Variants in CBLB observed in about 807,000 individuals in gnomAD.
The protein encoded by CBLB is Cbl proto-oncogene B, also known as E3 ubiquitin-protein ligase CBL-B.
A neutral mutation model predicts 104.9 loss-of-function variants in CBLB; 31 were observed. The ratio of observed to expected loss-of-function variants is 0.30; its 90% CI spans 0.22 to 0.40. The LOEUF (loss-of-function observed/expected upper bound fraction) is 0.40. Among genes scored for constraint, CBLB ranks in the 10% least tolerant of loss-of-function variants. CBLB has a pLI of 1.00. For synonymous variants in CBLB, 440 were observed against 422.6 expected (o/e 1.04, Z -0.51); for missense variants, 1,062 against 1,214.6 (o/e 0.87, Z 1.87).
chr3:105,856,842 G>A lies in CBLB; in HGVS notation c.169-3178C>T, dbSNP rs934562409. Among the ~76,000 whole-genome samples, 8 of 152,142 alleles carry A rather than the reference G, an allele frequency of 5.3e-5. 1 individual carries two copies. Among genetic ancestry groups the A allele is most frequent in the Admixed American group, 2.6e-4 (4 of 15,282 alleles). ...TTACCCCCTTTTTAATACGTGATAC[G>A]TTAGTATAATCAGAGTTCATTCTGC... On this transcript the variant is annotated intron_variant, in intron 2 of 18. Coordinates refer to ENST00000394030, the MANE Select transcript of CBLB (RefSeq NM_170662.5).
chr3:105,845,506 G>A (rs1039905182), intron 3 of CBLB, among the ~76,000 whole-genome samples: 15 of 150,632 alleles, frequency 1.0e-4, no homozygotes, highest in African/African-American at 2.7e-4. Flanking sequence ...GAATAATTTC[G>A]TTTTCTTTTG....
chr3:105,760,963 TC>T (rs1438438952), intron 4 of CBLB, among the ~76,000 whole-genome samples: 1 of 152,174 alleles, frequency 6.6e-6, no homozygotes, highest in Non-Finnish European at 1.5e-5. Flanking sequence ...AATAGAAAGA[TC>T]AATCATTAGC....
At chr3:105,840,120 G>A (rs1175111319) in intron 3 of CBLB, among the ~76,000 whole-genome samples, 3 of 152,114 alleles carry the variant, frequency 2.0e-5, no homozygotes, top group South Asian at 2.1e-4. Flanking sequence ...AACAAAACGC[G>A]AAGGGTTTTC....
At chr3:105,688,608 C>A (rs1467685427) in intron 13 of CBLB, among the ~76,000 whole-genome samples, 1 of 151,968 alleles carries the variant, frequency 6.6e-6, no homozygotes, top group Non-Finnish European at 1.5e-5. Context: ...TTAGAGCTTG[C>A]CCTATACATT....
At chr3:105,843,364 A>T (rs1224975806) in intron 3 of CBLB, among the ~76,000 whole-genome samples, 1 of 152,234 alleles carries the variant, frequency 6.6e-6, no homozygotes, top group Non-Finnish European at 1.5e-5. Context: ...CATGGAAAAC[A>T]CTTCCCAATT....
chr3:105,706,926 T>C (rs964737341), intron 10 of CBLB, among the ~76,000 whole-genome samples: 3 of 152,202 alleles, frequency 2.0e-5, no homozygotes, highest in African/African-American at 7.2e-5. Flanking sequence ...ATTTTCCTAC[T>C]TCTCTCATTA....
intron 3 of CBLB, among the ~76,000 whole-genome samples, chr3:105,780,432 A>T (rs1335122398): frequency 6.6e-6 from 1 of 152,094 alleles, no homozygotes; most frequent in Non-Finnish European, 1.5e-5. Flanking sequence ...AACAATCCCC[A>T]AACAACTAAC....
rs775494959 is a variant in CBLB, at chr3:105,776,403, C to T, written c.559G>A (p.Gly187Arg). 6.2e-7 allele frequency: 1 copy of T among 1,613,378 alleles called. No individual in the cohort carries two copies. The highest frequency in any genetic ancestry group is 1.1e-5 in the South Asian group (1 of 91,054). ...AAAATGATTTTTACTTACTTGTCTC[C>T]AAAAAACTTTCTCCAGAATTCAGCA... ...DAAEFWRKFF[G>R]DKTIVPWKVF... Residue 187 changes from glycine to arginine, a missense_variant, in exon 4 of 19, where the codon GGA (glycine) becomes AGA (arginine). Gly to Arg is a moderately radical substitution (Grantham distance 125, BLOSUM62 -2). Around this residue, in one of 2 missense-constraint regions of CBLB, gnomAD observed 457 missense variants for 632.0 expected, o/e 0.72. Transcript: ENST00000394030.
intron 6 of CBLB, among the ~76,000 whole-genome samples, chr3:105,743,476 T>A (rs2075809385): frequency 6.7e-6 from 1 of 149,260 alleles, no homozygotes; most frequent in African/African-American, 2.5e-5. Flanking sequence ...AAAAAAAAAT[T>A]AAAAAAAAAT....
intron 7 of CBLB, among the ~76,000 whole-genome samples, chr3:105,740,245 A>C (rs928332056): frequency 4.6e-5 from 7 of 152,254 alleles, no homozygotes; most frequent in Non-Finnish European, 1.0e-4. Flanking sequence ...CCAAGTTTTT[A>C]TCATATGAAA....
At chr3:105,785,824 TAAAAAC>T (rs750678741) in intron 3 of CBLB, among the ~76,000 whole-genome samples, 81 of 152,242 alleles carry the variant, frequency 5.3e-4, no homozygotes, top group Non-Finnish European at 8.8e-4. Context: ...AATATAAAGA[TAAAAAC>T]AAACACAAAT....
At chr3:105,747,818 GA>G (rs3836271) in intron 5 of CBLB, among the ~76,000 whole-genome samples, 2 of 151,560 alleles carry the variant, frequency 1.3e-5, no homozygotes, top group East Asian at 1.9e-4. Flanking sequence ...AAGAGTGTTT[GA>G]AAAAAAATGC....
chr3:105,833,071 G>A (rs1444798105), intron 3 of CBLB, among the ~76,000 whole-genome samples: 3 of 152,202 alleles, frequency 2.0e-5, no homozygotes, highest in Non-Finnish European at 4.4e-5. Flanking sequence ...AATGATGTGA[G>A]TGGATAAAGA....
intron 3 of CBLB, among the ~76,000 whole-genome samples, chr3:105,801,183 T>C (rs897961286): frequency 6.6e-6 from 1 of 152,080 alleles, no homozygotes; most frequent in Non-Finnish European, 1.5e-5. Flanking sequence ...AAAAATAACC[T>C]TTAACGCACT....
chr3:105,705,793 C>T (rs1260677998), intron 10 of CBLB, among the ~76,000 whole-genome samples: 1 of 152,126 alleles, frequency 6.6e-6, no homozygotes, highest in Non-Finnish European at 1.5e-5. Flanking sequence ...CTGCACAGCC[C>T]ACATTTATAT....
intron 9 of CBLB, 73 bp downstream of exon 9, chr3:105,733,936 C>T (rs570976322): frequency 5.7e-6 from 8 of 1,413,264 alleles, no homozygotes; most frequent in South Asian, 2.3e-5. Flanking sequence ...ACTTCCTAAA[C>T]CATTAAGAAA....
chr3:105,755,873 C>G (rs549018299), intron 4 of CBLB, among the ~76,000 whole-genome samples: 5 of 152,110 alleles, frequency 3.3e-5, no homozygotes, highest in Non-Finnish European at 7.4e-5. Flanking sequence ...AAAACAAATA[C>G]GTTCACTAGT....
At chr3:105,685,510 C>G in intron 13 of CBLB, 44 bp from the exon 14 acceptor site, 1 of 1,515,654 alleles carries the variant, frequency 6.6e-7, no homozygotes, top group Non-Finnish European at 9.1e-7. Context: ...GCATAATATT[C>G]AAAACAGGCA....
Position 105,741,521 on chromosome 3 carries a change from G to A in CBLB, c.846-890C>T, listed in dbSNP as rs566690904. ...CGCTATTCTCCTGCTTCAGCCTCCCGAGTAGCTGGGACCACAGGTGCCCGC... is the reference window on the plus strand; with the variant it reads ...CGCTATTCTCCTGCTTCAGCCTCCCAAGTAGCTGGGACCACAGGTGCCCGC... On this transcript the variant is annotated intron_variant, in intron 6 of 18. Coordinates refer to ENST00000394030, the MANE Select transcript of CBLB (RefSeq NM_170662.5). Among the ~76,000 whole-genome samples the A allele has an allele frequency of 1.5e-3, 232 of 152,154 alleles. 1 individual carries two copies. Among genetic ancestry groups the A allele is most frequent in the African/African-American group, 5.3e-3 (218 of 41,490 alleles).
Sources: gnomAD v4.1 joint callset for allele counts (sites outside exome capture counted in the v4.1 genomes callset) on GRCh38, gnomAD v4.1.1 for gene constraint, gnomAD v4.1.1 regional missense constraint, MANE v1.5 for transcripts, NCBI Gene and HGNC (gene_info 2026-07-23, HGNC 2026-07-21) for gene names.